The following GRM1 variants were observed in gnomAD, a reference collection of about 807,000 sequenced individuals.
GRM1 encodes glutamate metabotropic receptor 1.
Under a neutral mutation model 90.9 loss-of-function variants are expected in GRM1, and 33 were observed. The observed-to-expected ratio is 0.36, with a 90% CI of 0.28 to 0.49. The LOEUF (loss-of-function observed/expected upper bound fraction) is 0.49. Ranked by LOEUF, GRM1 falls within the 20% of genes least tolerant of loss-of-function variation. The probability of loss-of-function intolerance (pLI) is 0.99; values close to 1 mark genes in which losing one functional copy is unlikely to be tolerated. For missense variants in GRM1, 1,190 were observed against 1,534.3 expected, an observed-to-expected ratio of 0.78 and a Z score of 3.75; for synonymous variants, 700 against 613.2, an observed-to-expected ratio of 1.14 and a Z score of -2.09.
At chr6:146,075,351 C>T (rs917693177) in intron 1 of GRM1, among the ~76,000 whole-genome samples, 9 of 152,178 alleles carry the variant, frequency 5.9e-5, no homozygotes, top group African/African-American at 2.2e-4. Flanking sequence ...CTAGCTCTGA[C>T]AGTTCATCAG....
At chr6:146,424,123 A>T (rs1035464676) in intron 7 of GRM1, among the ~76,000 whole-genome samples, 3 of 152,164 alleles carry the variant, frequency 2.0e-5, no homozygotes, top group African/African-American at 7.2e-5. Context: ...CTCAGCCCAT[A>T]TTAGACAGGT....
At chr6:146,343,117 T>C (rs929335742) in intron 3 of GRM1, among the ~76,000 whole-genome samples, 4 of 152,190 alleles carry the variant, frequency 2.6e-5, no homozygotes, top group African/African-American at 9.6e-5. Context: ...GAGGTACTGG[T>C]CAGGTATTTT....
intron 1 of GRM1, among the ~76,000 whole-genome samples, chr6:146,081,560 A>G (rs562959715): frequency 6.6e-6 from 1 of 152,324 alleles, no homozygotes; most frequent in African/African-American, 2.4e-5. Flanking sequence ...AGTGAAGTGA[A>G]TGGCTTGGAG....
Position 146,352,340 on chromosome 6 carries a change from A to G in GRM1, c.1277A>G (p.Asn426Ser), listed in dbSNP as rs1441571369. ...TATGCCATGGCACATGGGCTGCAGAACATGCACCATGCCCTCTGCCCTGGC... is the reference window on the plus strand; with the variant it reads ...TATGCCATGGCACATGGGCTGCAGAGCATGCACCATGCCCTCTGCCCTGGC... ...AIYAMAHGLQ[N>S]MHHALCPGHV... The change falls in exon 4 of 8, where the codon AAC becomes AGC. Residue 426 changes from asparagine to serine, a missense_variant. Coordinates refer to ENST00000282753, the MANE Select transcript of GRM1 (RefSeq NM_001278064.2). 2.9e-5 allele frequency: 47 copies of G among 1,614,034 alleles called. No homozygotes were observed. Among genetic ancestry groups the G allele is most frequent in the Non-Finnish European group, 4.0e-5 (47 of 1,179,878 alleles).
rs1244189235 is a variant in GRM1, at chr6:146,235,805, G to A, written c.951-68806G>A. 3.3e-5 allele frequency among the ~76,000 whole-genome samples: 5 copies of A among 149,954 alleles called. 1 individual carries two copies. In the Admixed American group the frequency reaches 3.3e-4, roughly 10 times the overall value. On this transcript the variant is annotated intron_variant, in intron 2 of 7. Coordinates refer to ENST00000282753, the MANE Select transcript of GRM1 (RefSeq NM_001278064.2). ...TTCCTTATAGTTTCATCTCTTTGAT[G>A]AAATGATCTATCTGATCATGTCTGT... is the stretch of plus-strand genomic sequence containing the variant.
chr6:146,158,753 T>C (rs1371099281), intron 1 of GRM1, among the ~76,000 whole-genome samples: 1 of 152,160 alleles, frequency 6.6e-6, no homozygotes. Context: ...AAAACAAAAA[T>C]CAAAATATAA....
chr6:146,237,740 G>C (rs1780704176), intron 2 of GRM1, among the ~76,000 whole-genome samples: 1 of 152,084 alleles, frequency 6.6e-6, no homozygotes, highest in African/African-American at 2.4e-5. Context: ...AGCACAGTAA[G>C]ACCAAGCAGT....
intron 2 of GRM1, chr6:146,159,957 C>T (rs1462637145): frequency 5.1e-6 from 1 of 195,932 alleles, no homozygotes; most frequent in African/African-American, 2.6e-5. Flanking sequence ...AAAACAAGAG[C>T]AGAGCAGCAT....
chr6:146,249,874 G>T (rs563076522), intron 2 of GRM1, among the ~76,000 whole-genome samples: 1 of 152,306 alleles, frequency 6.6e-6, no homozygotes, highest in Admixed American at 6.5e-5. Context: ...AGAGCCACAG[G>T]GGTGGAACAT....
intron 3 of GRM1, among the ~76,000 whole-genome samples, chr6:146,347,042 G>A (rs965826994): frequency 7.9e-5 from 12 of 152,184 alleles, no homozygotes; most frequent in African/African-American, 1.7e-4. Flanking sequence ...CTGTACCTAC[G>A]TGCATAGTGA....
chr6:146,388,475 C>A (rs139895061), intron 6 of GRM1, among the ~76,000 whole-genome samples: 1 of 151,902 alleles, frequency 6.6e-6, no homozygotes, highest in African/African-American at 2.4e-5. Flanking sequence ...AACTAGGTCA[C>A]GTAACTAAAA....
At chr6:146,219,632 C>G (rs1366144450) in intron 2 of GRM1, among the ~76,000 whole-genome samples, 1 of 151,736 alleles carries the variant, frequency 6.6e-6, no homozygotes, top group Non-Finnish European at 1.5e-5. Context: ...ATTTGCATGT[C>G]ACATATAGTG....
chr6:146,073,838 A>G (rs1776095439), intron 1 of GRM1, among the ~76,000 whole-genome samples: 1 of 152,170 alleles, frequency 6.6e-6, no homozygotes, highest in African/African-American at 2.4e-5. Flanking sequence ...CATTGTGAGG[A>G]AAAAATAAAC....
rs745442149 is a variant in GRM1 at position 146,159,494 on chromosome 6, A to G, written c.847A>G (p.Lys283Glu). Reference sequence around the variant, plus strand: ...GCGCAAACTCCGAGAGAGGCTTCCCAAGGCTAGAGTGGTGGTCTGCTTCTG... The same window carrying G: ...GCGCAAACTCCGAGAGAGGCTTCCCGAGGCTAGAGTGGTGGTCTGCTTCTG... ...LLRKLRERLP[K>E]ARVVVCFCEG... Residue 283 changes from lysine to glutamate, a missense_variant, in exon 2 of 8, where the codon AAG becomes GAG. Physicochemically the swap from Lys to Glu is moderately conservative, Grantham distance 56. Coordinates refer to ENST00000282753, the MANE Select transcript of GRM1 (RefSeq NM_001278064.2). 6.2e-7 allele frequency: 1 copy of G among 1,614,160 alleles called. No homozygotes were observed. The highest frequency in any genetic ancestry group is 8.5e-7 in the Non-Finnish European group (1 of 1,179,994).
At chr6:146,097,155 A>G (rs1207485617) in intron 1 of GRM1, among the ~76,000 whole-genome samples, 1 of 152,168 alleles carries the variant, frequency 6.6e-6, no homozygotes, top group Non-Finnish European at 1.5e-5. Context: ...ATAATATAAT[A>G]AATTAAATTT....
chr6:146,307,521 G>T (rs998191395), intron 3 of GRM1, among the ~76,000 whole-genome samples: 1 of 151,944 alleles, frequency 6.6e-6, no homozygotes, highest in Non-Finnish European at 1.5e-5. Context: ...CTGTGAAATT[G>T]GCTTCAATGT....
intron 5 of GRM1, among the ~76,000 whole-genome samples, chr6:146,360,025 C>T (rs1007451344): frequency 6.6e-6 from 1 of 151,652 alleles, no homozygotes; most frequent in Admixed American, 6.6e-5. Flanking sequence ...ATATTATGCA[C>T]ATTCTAACAT....
intron 3 of GRM1, among the ~76,000 whole-genome samples, chr6:146,311,351 A>G (rs1369542179): frequency 2.6e-5 from 4 of 152,240 alleles, no homozygotes; most frequent in Non-Finnish European, 5.9e-5. Flanking sequence ...AAGTTGCTTT[A>G]TGGGAATAGG....
At chr6:146,043,984 C>T (rs1303161635) in intron 1 of GRM1, among the ~76,000 whole-genome samples, 6 of 151,476 alleles carry the variant, frequency 4.0e-5, no homozygotes, top group Non-Finnish European at 7.4e-5. Context: ...CAGAAGAATC[C>T]TTGAGTGTTG....
Sources: gnomAD v4.1 joint callset for allele counts (sites outside exome capture counted in the v4.1 genomes callset) on GRCh38, gnomAD v4.1.1 for gene constraint, MANE v1.5 for transcripts, NCBI Gene and HGNC (gene_info 2026-07-23, HGNC 2026-07-21) for gene names.